The following SMAP1 variants were observed in gnomAD, a reference collection of about 807,000 sequenced individuals.
SMAP1 encodes stromal membrane-associated protein 1.
SMAP1 carries 24 observed loss-of-function variants against 58.5 expected under a neutral mutation model. The observed-to-expected ratio is 0.41, with a 90% CI of 0.30 to 0.58. The LOEUF (loss-of-function observed/expected upper bound fraction) is 0.58. Ranked by LOEUF, SMAP1 falls within the 20% of genes least tolerant of loss-of-function variation. The pLI is 0.29. For synonymous variants in SMAP1, 216 were observed against 196.6 expected (o/e 1.10, Z -0.82); for missense variants, 563 against 566.3 (o/e 0.99, Z 0.06).
At chr6:70,683,502 A>G (rs1315209646) in intron 1 of SMAP1, among the ~76,000 whole-genome samples, 1 of 152,018 alleles carries the variant, frequency 6.6e-6, no homozygotes, top group African/African-American at 2.4e-5. Flanking sequence ...GGTCATTTCT[A>G]TTCTGTTAGG....
chr6:70,834,897 G>T (rs898711341), intron 6 of SMAP1, among the ~76,000 whole-genome samples: 2 of 152,154 alleles, frequency 1.3e-5, no homozygotes, highest in Non-Finnish European at 2.9e-5. Flanking sequence ...AATGGATTAT[G>T]TTAAACTTCT....
chr6:70,744,256 G>C (rs895360302), intron 2 of SMAP1, among the ~76,000 whole-genome samples: 1 of 151,412 alleles, frequency 6.6e-6, no homozygotes, highest in Non-Finnish European at 1.5e-5. Context: ...CATGTGCCAC[G>C]TTGGTTTGCT....
At chr6:70,859,576 A>C in intron 10 of SMAP1, 1 of 454,688 alleles carries the variant, frequency 2.2e-6, no homozygotes, top group South Asian at 4.7e-5. Flanking sequence ...CTATATGGTA[A>C]ATCTTGCCTT....
rs551420377 is a variant in SMAP1, at chr6:70,758,824, T to G, written c.338+3759T>G. ...ATAACCCTGAAATTTCTAGCTTGGTTGACCATAAAGCTTATTCACTGGGAG... is the reference window on the plus strand; with the variant it reads ...ATAACCCTGAAATTTCTAGCTTGGTGGACCATAAAGCTTATTCACTGGGAG... On this transcript the variant is annotated intron_variant, in intron 3 of 10. Transcript: ENST00000370455. Among the ~76,000 whole-genome samples, 18 of 152,228 alleles carry G rather than the reference T, an allele frequency of 1.2e-4. No homozygotes were observed. The East Asian group carries it at 3.3e-3, about 28-fold the overall frequency.
chr6:70,770,116 C>G (rs1402977241), intron 3 of SMAP1, among the ~76,000 whole-genome samples: 2 of 151,838 alleles, frequency 1.3e-5, no homozygotes. Flanking sequence ...GCCGAGAGGT[C>G]AGCTGTTAGT....
intron 4 of SMAP1, among the ~76,000 whole-genome samples, chr6:70,780,302 A>G (rs1582169798): frequency 6.6e-6 from 1 of 152,220 alleles, no homozygotes; most frequent in African/African-American, 2.4e-5. Flanking sequence ...TTGGCCAGGC[A>G]TGGTGGCTCA....
intron 1 of SMAP1, among the ~76,000 whole-genome samples, chr6:70,721,520 G>A (rs572718041): frequency 6.6e-6 from 1 of 152,252 alleles, no homozygotes; most frequent in African/African-American, 2.4e-5. Flanking sequence ...TGTCTTCTGA[G>A]CCTTCCAAAC....
At chr6:70,709,342 C>A (rs531437250) in intron 1 of SMAP1, among the ~76,000 whole-genome samples, 1 of 151,684 alleles carries the variant, frequency 6.6e-6, no homozygotes, top group South Asian at 2.1e-4. Context: ...CTTTATAATA[C>A]TTTTTTTTTC....
intron 3 of SMAP1, among the ~76,000 whole-genome samples, chr6:70,761,738 T>C (rs900698297): frequency 6.6e-6 from 1 of 152,126 alleles, no homozygotes; most frequent in African/African-American, 2.4e-5. Context: ...GTTTAGATAC[T>C]ATTGGCTTAT....
chr6:70,690,788 TTGTC>T (rs1183599291), intron 1 of SMAP1, among the ~76,000 whole-genome samples: 1 of 151,840 alleles, frequency 6.6e-6, no homozygotes, highest in African/African-American at 2.4e-5. Flanking sequence ...TGTGATATCT[TTGTC>T]TGGTTTGGTA....
chr6:70,745,545 G>A (rs1159278836), intron 2 of SMAP1, among the ~76,000 whole-genome samples: 2 of 152,088 alleles, frequency 1.3e-5, no homozygotes, highest in African/African-American at 2.4e-5. Flanking sequence ...CTCTGTTTTG[G>A]TACCAGTACC....
chr6:70,757,845 G>A (rs1432615851), intron 3 of SMAP1, among the ~76,000 whole-genome samples: 2 of 152,012 alleles, frequency 1.3e-5, no homozygotes, highest in Non-Finnish European at 2.9e-5. Context: ...AGTTAGAATG[G>A]CAATCATTAA....
chr6:70,829,134 T>A (rs750175568), intron 6 of SMAP1, among the ~76,000 whole-genome samples: 1 of 152,188 alleles, frequency 6.6e-6, no homozygotes, highest in Non-Finnish European at 1.5e-5. Flanking sequence ...TACCATTACC[T>A]TTGAACTTCA....
intron 1 of SMAP1, among the ~76,000 whole-genome samples, chr6:70,670,907 G>A (rs1766236565): frequency 6.6e-6 from 1 of 152,206 alleles, no homozygotes; most frequent in African/African-American, 2.4e-5. Flanking sequence ...AGGAAGCAAC[G>A]AAGGAGAAAA....
chr6:70,688,467 ACT>A (rs1767022779), intron 1 of SMAP1, among the ~76,000 whole-genome samples: 1 of 152,100 alleles, frequency 6.6e-6, no homozygotes, highest in Non-Finnish European at 1.5e-5. Context: ...TGGTGTTGTG[ACT>A]GTTTTTTATT....
At chr6:70,742,992 C>T (rs1765880255) in intron 2 of SMAP1, among the ~76,000 whole-genome samples, 1 of 152,148 alleles carries the variant, frequency 6.6e-6, no homozygotes. Flanking sequence ...TCCCACAACG[C>T]CTGAGAATTA....
At chr6:70,829,547 A>G (rs1770276333) in intron 6 of SMAP1, among the ~76,000 whole-genome samples, 1 of 152,238 alleles carries the variant, frequency 6.6e-6, no homozygotes, top group African/African-American at 2.4e-5. Flanking sequence ...GGTGCAGGGC[A>G]AGGAACCCTG....
intron 7 of SMAP1, among the ~76,000 whole-genome samples, chr6:70,838,462 A>G (rs909419198): frequency 3.3e-5 from 5 of 152,208 alleles, no homozygotes; most frequent in East Asian, 1.9e-4. Context: ...TGTAGGTTAT[A>G]TGTGGTAAAT....
intron 3 of SMAP1, among the ~76,000 whole-genome samples, chr6:70,767,651 T>C (rs988053310): frequency 2.7e-5 from 4 of 150,736 alleles, no homozygotes; most frequent in African/African-American, 9.8e-5. Flanking sequence ...GATTTTGGGC[T>C]GAGACGATGG....
Sources: gnomAD v4.1 joint callset for allele counts (sites outside exome capture counted in the v4.1 genomes callset) on GRCh38, gnomAD v4.1.1 for gene constraint, MANE v1.5 for transcripts, NCBI Gene and HGNC (gene_info 2026-07-23, HGNC 2026-07-21) for gene names.